CAMK2D: variants seen among roughly 807,000 people sequenced by gnomAD.
CAMK2D encodes calcium/calmodulin dependent protein kinase II delta, also known as calcium/calmodulin-dependent protein kinase type II subunit delta.
CAMK2D carries 37 observed loss-of-function variants against 84.0 expected under a neutral mutation model. That is an observed-to-expected ratio of 0.44 (90% CI 0.34 to 0.58). CAMK2D has a LOEUF of 0.58. CAMK2D is among the 20% of genes least tolerant of loss of function. The pLI, the probability that CAMK2D is intolerant of heterozygous loss-of-function variation, is 0.02. For synonymous variants in CAMK2D, 202 were observed against 212.5 expected (o/e 0.95, Z 0.43); for missense variants, 448 against 652.5 (o/e 0.69, Z 3.41).
chr4:113,526,686 A>T (rs1268162691), intron 8 of CAMK2D, among the ~76,000 whole-genome samples: 1 of 152,034 alleles, frequency 6.6e-6, no homozygotes, highest in East Asian at 1.9e-4. Context: ...TGTATTACAG[A>T]AATGTACTCA....
chr4:113,643,381 G>T (rs186160146), intron 3 of CAMK2D, among the ~76,000 whole-genome samples: 1 of 152,172 alleles, frequency 6.6e-6, no homozygotes, highest in Admixed American at 6.5e-5. Flanking sequence ...TCAGAAACAG[G>T]GCTGTCTATG....
chr4:113,735,103 A>G (rs903846831), intron 2 of CAMK2D, among the ~76,000 whole-genome samples: 3 of 151,748 alleles, frequency 2.0e-5, no homozygotes, highest in Admixed American at 6.6e-5. Flanking sequence ...CCGATAGCAT[A>G]TAAGAGCCCA....
At position 113,609,328 on chromosome 4, in the gene CAMK2D, C is replaced by G. The variant is rs114064108; in HGVS notation, c.221-122G>C. 2,536 of 646,612 alleles carry G rather than the reference C, an allele frequency of 3.9e-3. 67 individuals carry two copies. In the African/African-American group the frequency reaches 0.042, roughly 11 times the overall value. 40.1% of individuals were successfully genotyped at this position (646,612 alleles called of 1,614,324 possible). A position where few individuals can be genotyped will look rare whatever the true frequency, so the allele number is the denominator to read the frequency against. ...TGTTGGCATTACATTTTATTTTAGC[C>G]TTTGATACGTCCGTATCTTTTACAA... On this transcript the variant is annotated intron_variant, in intron 3 of 20. Transcript: ENST00000511664.
intron 5 of CAMK2D, among the ~76,000 whole-genome samples, chr4:113,550,582 T>C (rs1306671121): frequency 6.6e-6 from 1 of 152,250 alleles, no homozygotes; most frequent in Non-Finnish European, 1.5e-5. Context: ...AAATAGTCTC[T>C]ATTTTAATTT....
In CAMK2D at chr4:113,565,981, T is replaced by C. The variant is rs140557355; in HGVS notation, c.276-13885A>G. Among the ~76,000 whole-genome samples the C allele has an allele frequency of 1.5e-3, 229 of 152,368 alleles. 1 individual carries two copies. Among genetic ancestry groups the C allele is most frequent in the African/African-American group, 5.4e-3 (224 of 41,586 alleles). ...ATTCTAAAATAACAATCAGAATTTC[T>C]ACATATTTTCATCATTGTAAAATGT... On this transcript the variant is annotated intron_variant, in intron 4 of 20. Coordinates refer to ENST00000511664, the MANE Select transcript of CAMK2D (RefSeq NM_001321571.2).
chr4:113,531,051 T>A (rs1401429625), intron 8 of CAMK2D, among the ~76,000 whole-genome samples, 165 bp downstream of exon 8: 1 of 152,102 alleles, frequency 6.6e-6, no homozygotes, highest in Non-Finnish European at 1.5e-5. Flanking sequence ...ACCACTGCAC[T>A]CCAGCCTGGG....
intron 2 of CAMK2D, among the ~76,000 whole-genome samples, chr4:113,676,128 T>C (rs1238615260): frequency 1.3e-5 from 2 of 152,204 alleles, no homozygotes; most frequent in East Asian, 1.9e-4. Flanking sequence ...CAACCCACTT[T>C]ATGTATTAAA....
At chr4:113,505,278 A>G (rs1436016536) in intron 13 of CAMK2D, among the ~76,000 whole-genome samples, 1 of 152,228 alleles carries the variant, frequency 6.6e-6, no homozygotes, top group Non-Finnish European at 1.5e-5. Flanking sequence ...TTGCTATGCC[A>G]CCTTAGCAAA....
chr4:113,550,821 G>A (rs539527007), intron 5 of CAMK2D, among the ~76,000 whole-genome samples: 4 of 152,254 alleles, frequency 2.6e-5, no homozygotes, highest in African/African-American at 9.6e-5. Context: ...AAATTACACA[G>A]AATTTTCTAT....
chr4:113,709,753 A>ATATG (rs980595823), intron 2 of CAMK2D, among the ~76,000 whole-genome samples: 3 of 92,352 alleles, frequency 3.2e-5, no homozygotes, highest in African/African-American at 4.8e-5. Flanking sequence ...AACGATATAT[A>ATATG]TATATATATA....
In CAMK2D at chr4:113,708,206, T is replaced by G. The variant is rs545617364; in HGVS notation, c.161-46434A>C. On this transcript the variant is annotated intron_variant, in intron 2 of 20. Coordinates refer to ENST00000511664, the MANE Select transcript of CAMK2D (RefSeq NM_001321571.2). ...TTTCTATATTATAGGCAAATTGTGG[T>G]CATCCAAAAGGGTCCCACATTTGTG... 3.8e-4 allele frequency among the ~76,000 whole-genome samples: 58 copies of G among 152,196 alleles called. 1 individual carries two copies. Among genetic ancestry groups the G allele is most frequent in the Non-Finnish European group, 7.9e-4 (54 of 68,024 alleles).
At chr4:113,603,529 T>A (rs544777173) in intron 4 of CAMK2D, among the ~76,000 whole-genome samples, 1 of 150,754 alleles carries the variant, frequency 6.6e-6, no homozygotes. Flanking sequence ...TAGGTGGGAA[T>A]TGAACAATGA....
At chr4:113,467,864 G>A (rs922099759) in intron 16 of CAMK2D, among the ~76,000 whole-genome samples, 4 of 152,266 alleles carry the variant, frequency 2.6e-5, no homozygotes, top group Admixed American at 1.3e-4. Flanking sequence ...AGGGATACGG[G>A]TGAGGAGGAT....
intron 4 of CAMK2D, among the ~76,000 whole-genome samples, chr4:113,582,722 C>G (rs767136266): frequency 2.0e-5 from 3 of 152,200 alleles, no homozygotes; most frequent in African/African-American, 4.8e-5. Flanking sequence ...CTTCTTTAAG[C>G]TAGAACTTCA....
intron 4 of CAMK2D, among the ~76,000 whole-genome samples, chr4:113,606,138 A>T (rs2098975896): frequency 6.6e-6 from 1 of 152,140 alleles, no homozygotes; most frequent in Non-Finnish European, 1.5e-5. Context: ...AAAGAAGAAA[A>T]GGAAACTGCA....
At chr4:113,760,790 C>A (rs2099639593) in intron 1 of CAMK2D, among the ~76,000 whole-genome samples, 3 of 152,074 alleles carry the variant, frequency 2.0e-5, no homozygotes, top group African/African-American at 7.2e-5. Flanking sequence ...TAGGGACCAT[C>A]AAAATGAGCC....
chr4:113,733,276 C>T (rs1201508947), intron 2 of CAMK2D, among the ~76,000 whole-genome samples: 1 of 152,204 alleles, frequency 6.6e-6, no homozygotes, highest in African/African-American at 2.4e-5. Flanking sequence ...CCTGTAATAA[C>T]AGTTGCCTTC....
intron 18 of CAMK2D, 128 bp from the exon 19 acceptor site, chr4:113,457,691 A>T (rs1392915267): frequency 2.9e-6 from 2 of 692,058 alleles, no homozygotes; most frequent in East Asian, 5.4e-5. Context: ...TAGTTAATTA[A>T]TCTACTATTT....
intron 7 of CAMK2D, among the ~76,000 whole-genome samples, chr4:113,531,680 G>A (rs529775627): frequency 8.5e-5 from 13 of 152,198 alleles, no homozygotes; most frequent in African/African-American, 1.9e-4. Flanking sequence ...GATATAAGTC[G>A]AAAATATATC....
Sources: gnomAD v4.1 joint callset for allele counts (sites outside exome capture counted in the v4.1 genomes callset) on GRCh38, gnomAD v4.1.1 for gene constraint, MANE v1.5 for transcripts, NCBI Gene and HGNC (gene_info 2026-07-23, HGNC 2026-07-21) for gene names.